Variants in NPAS3 observed in about 807,000 individuals in gnomAD.
The protein encoded by NPAS3 is neuronal PAS domain protein 3.
A neutral mutation model predicts 73.1 loss-of-function variants in NPAS3; 14 were observed. The ratio of observed to expected loss-of-function variants is 0.19; its 90% CI spans 0.13 to 0.30. NPAS3 has a LOEUF of 0.30. Among genes scored for constraint, NPAS3 ranks in the 10% least tolerant of loss-of-function variants. The pLI, the probability that NPAS3 is intolerant of heterozygous loss-of-function variation, is 1.00. For missense variants in NPAS3, 1,096 were observed against 1,250.0 expected (o/e 0.88, Z 1.86); for synonymous variants, 620 against 541.5 (o/e 1.14, Z -2.01).
At chr14:33,690,950 ATTTAAGTGTCC>A (rs2060220320) in intron 6 of NPAS3, among the ~76,000 whole-genome samples, 1 of 151,660 alleles carries the variant, frequency 6.6e-6, no homozygotes, top group Non-Finnish European at 1.5e-5. Context: ...TAAATAAATG[ATTTAAGTGTCC>A]CACAAGACGA....
intron 9 of NPAS3, among the ~76,000 whole-genome samples, chr14:33,790,247 T>C (rs1418071257): frequency 6.6e-6 from 1 of 152,236 alleles, no homozygotes; most frequent in Non-Finnish European, 1.5e-5. Flanking sequence ...CACGTGGTGC[T>C]TATTTTTGTT....
chr14:33,733,031 AG>A (rs2061436911), intron 6 of NPAS3, among the ~76,000 whole-genome samples: 1 of 152,208 alleles, frequency 6.6e-6, no homozygotes, highest in Admixed American at 6.5e-5. Flanking sequence ...TTACTGGGTC[AG>A]GGGCTCCAGG....
intron 4 of NPAS3, among the ~76,000 whole-genome samples, chr14:33,541,387 C>T (rs763744311): frequency 6.6e-6 from 1 of 152,164 alleles, no homozygotes; most frequent in Non-Finnish European, 1.5e-5. Context: ...TGTTCACCAA[C>T]AGAGTAAATG....
chr14:33,583,621 C>A (rs1262561004), intron 5 of NPAS3, among the ~76,000 whole-genome samples: 1 of 152,098 alleles, frequency 6.6e-6, no homozygotes, highest in Non-Finnish European at 1.5e-5. Flanking sequence ...AGAAACAAAT[C>A]TCTTTTTCTT....
At chr14:33,172,429 A>C (rs886178713) in intron 2 of NPAS3, among the ~76,000 whole-genome samples, 29 of 152,166 alleles carry the variant, frequency 1.9e-4, no homozygotes, top group Admixed American at 1.8e-3. Flanking sequence ...ACAGTTTCTG[A>C]GATTGCATAT....
At chr14:33,323,385 A>G (rs1269185719) in intron 3 of NPAS3, among the ~76,000 whole-genome samples, 1 of 152,222 alleles carries the variant, frequency 6.6e-6, no homozygotes, top group Admixed American at 6.5e-5. Context: ...TTGACTATTA[A>G]GAATGTCAAA....
chr14:33,310,317 A>G (rs867675137), intron 3 of NPAS3, among the ~76,000 whole-genome samples: 3 of 151,860 alleles, frequency 2.0e-5, no homozygotes, highest in African/African-American at 7.3e-5. Context: ...AAAAAAAAGT[A>G]TAGCTTAAAG....
intron 9 of NPAS3, among the ~76,000 whole-genome samples, chr14:33,792,102 G>A (rs563294399): frequency 1.3e-5 from 2 of 152,312 alleles, no homozygotes; most frequent in African/African-American, 4.8e-5. Context: ...CAGAAGAGCT[G>A]TATGGCAGAG....
At chr14:33,101,392 G>A (rs1033941974) in intron 2 of NPAS3, among the ~76,000 whole-genome samples, 20 of 152,132 alleles carry the variant, frequency 1.3e-4, no homozygotes, top group Admixed American at 1.3e-4. Flanking sequence ...CAAAGGATAT[G>A]TTCAGATGGC....
chr14:33,012,805 C>T (rs1050906853), intron 1 of NPAS3, among the ~76,000 whole-genome samples: 5 of 152,180 alleles, frequency 3.3e-5, no homozygotes, highest in African/African-American at 1.2e-4. Flanking sequence ...CCGCTTCTGC[C>T]TCCCAAAGTG....
chr14:33,799,427 G>C lies in NPAS3; in HGVS notation c.1427-307G>C, dbSNP rs569391985. ...AATCACCTGGGGGTCATATTCCAAC[G>C]CAGAATCTGATTCAGTCTACCTGGG... On this transcript the variant is annotated intron_variant, in intron 11 of 11. Coordinates refer to ENST00000356141, the Ensembl canonical transcript of NPAS3. Among the ~76,000 whole-genome samples, 78 of 152,266 alleles carry C rather than the reference G, an allele frequency of 5.1e-4. 2 individuals carry two copies. The South Asian group carries it at 0.015, about 30-fold the overall frequency.
chr14:33,687,708 G>A (rs2060127687), intron 6 of NPAS3, among the ~76,000 whole-genome samples: 1 of 152,154 alleles, frequency 6.6e-6, no homozygotes, highest in Non-Finnish European at 1.5e-5. Context: ...AAACATAGTT[G>A]CATGTCTATA....
At chr14:33,282,060 C>T (rs1180947059) in intron 3 of NPAS3, among the ~76,000 whole-genome samples, 2 of 152,054 alleles carry the variant, frequency 1.3e-5, no homozygotes, top group Non-Finnish European at 2.9e-5. Flanking sequence ...AAAGAATGGC[C>T]AAGAACTCCA....
At chr14:33,186,502 A>C (rs1408324826) in intron 2 of NPAS3, among the ~76,000 whole-genome samples, 4 of 152,210 alleles carry the variant, frequency 2.6e-5, no homozygotes, top group Non-Finnish European at 5.9e-5. Context: ...TAGTTTGAAT[A>C]TCCAAATGAT....
At chr14:33,634,549 G>T (rs1429168969) in intron 5 of NPAS3, among the ~76,000 whole-genome samples, 2 of 152,214 alleles carry the variant, frequency 1.3e-5, no homozygotes, top group African/African-American at 4.8e-5. Context: ...GTGCCCAGAT[G>T]TGGACAGTAA....
intron 3 of NPAS3, among the ~76,000 whole-genome samples, chr14:33,218,942 AGTAT>A (rs568227547): frequency 5.2e-4 from 79 of 152,342 alleles, no homozygotes; most frequent in African/African-American, 1.7e-3. Flanking sequence ...CTCAGGTGAC[AGTAT>A]GTAATATGTC....
intron 4 of NPAS3, among the ~76,000 whole-genome samples, 157 bp from the exon 5 acceptor site, chr14:33,559,964 T>C (rs1952604): frequency 0.82 from 123,794 of 150,850 alleles, 50,908 homozygotes; most frequent in Admixed American, 0.84. Flanking sequence ...GAGCCGAGAT[T>C]GTGCCACTGC....
intron 2 of NPAS3, among the ~76,000 whole-genome samples, chr14:33,095,217 G>T (rs2042367267): frequency 6.6e-6 from 1 of 152,226 alleles, no homozygotes; most frequent in South Asian, 2.1e-4. Context: ...TGAAAGGTAG[G>T]AGTGCAATGA....
chr14:33,051,925 A>C, intron 1 of NPAS3, among the ~76,000 whole-genome samples: 1 of 151,984 alleles, frequency 6.6e-6, no homozygotes, highest in East Asian at 1.9e-4. Flanking sequence ...ATGCCTGGCT[A>C]ATTTTTTGTA....
Sources: gnomAD v4.1 joint callset for allele counts (sites outside exome capture counted in the v4.1 genomes callset) on GRCh38, gnomAD v4.1.1 for gene constraint, MANE v1.5 for transcripts, NCBI Gene and HGNC (gene_info 2026-07-23, HGNC 2026-07-21) for gene names.